The following SORCS1 variants were observed in gnomAD, a reference collection of about 807,000 sequenced individuals.
SORCS1 encodes sortilin related VPS10 domain containing receptor 1, also known as VPS10 domain-containing receptor SorCS1.
SORCS1 carries 60 observed loss-of-function variants against 146.1 expected under a neutral mutation model. The observed-to-expected ratio is 0.41, with a 90% CI of 0.33 to 0.51. SORCS1 has a LOEUF of 0.51. Ranked by LOEUF, SORCS1 falls within the 20% of genes least tolerant of loss-of-function variation. The probability of loss-of-function intolerance (pLI) is 0.21; values close to 1 mark genes in which losing one functional copy is unlikely to be tolerated. For synonymous variants in SORCS1, 637 were observed against 584.0 expected (o/e 1.09, Z -1.31); for missense variants, 1,352 against 1,487.6 (o/e 0.91, Z 1.50).
chr10:106,861,967 T>C (rs1454789062), intron 2 of SORCS1, among the ~76,000 whole-genome samples: 2 of 152,218 alleles, frequency 1.3e-5, no homozygotes. Flanking sequence ...TCACCATAGA[T>C]GATGAGATTT....
At chr10:107,011,922 T>C (rs1957711903) in intron 1 of SORCS1, among the ~76,000 whole-genome samples, 1 of 152,248 alleles carries the variant, frequency 6.6e-6, no homozygotes, top group African/African-American at 2.4e-5. Context: ...AATTTTATAT[T>C]TGTAAGGACT....
At chr10:106,768,098 G>T (rs1484301353) in intron 4 of SORCS1, among the ~76,000 whole-genome samples, 1 of 152,126 alleles carries the variant, frequency 6.6e-6, no homozygotes, top group Non-Finnish European at 1.5e-5. Context: ...GGCCTTCCTT[G>T]TTTGCATATG....
chr10:107,038,415 A>G (rs1959003130), intron 1 of SORCS1, among the ~76,000 whole-genome samples: 1 of 151,616 alleles, frequency 6.6e-6, no homozygotes, highest in Non-Finnish European at 1.5e-5. Context: ...GGGGAGAGAC[A>G]GCATTAGGAG....
At chr10:106,990,864 T>C (rs1042931072) in intron 1 of SORCS1, among the ~76,000 whole-genome samples, 6 of 152,186 alleles carry the variant, frequency 3.9e-5, no homozygotes, top group African/African-American at 1.4e-4. Flanking sequence ...CTTAAGAAAA[T>C]GTATAAATAC....
intron 1 of SORCS1, among the ~76,000 whole-genome samples, chr10:106,963,542 T>C (rs2139095284): frequency 6.6e-6 from 1 of 152,310 alleles, no homozygotes; most frequent in East Asian, 1.9e-4. Context: ...TTTATTTGAC[T>C]TTCCAACTTA....
intron 1 of SORCS1, among the ~76,000 whole-genome samples, chr10:107,161,258 C>G (rs1298885857): frequency 2.6e-5 from 4 of 152,188 alleles, no homozygotes; most frequent in Admixed American, 2.6e-4. Context: ...TTGTCATAAT[C>G]AGAGACTCTT....
At chr10:106,817,887 T>C (rs556969416) in intron 3 of SORCS1, among the ~76,000 whole-genome samples, 19 of 152,356 alleles carry the variant, frequency 1.2e-4, no homozygotes, top group African/African-American at 4.6e-4. Context: ...ATCTGCTTCA[T>C]TGGTCAGCTT....
At chr10:106,724,335 C>T (rs566760904) in intron 6 of SORCS1, among the ~76,000 whole-genome samples, 23 of 151,948 alleles carry the variant, frequency 1.5e-4, no homozygotes, top group South Asian at 1.5e-3. Context: ...GGTGAAACCC[C>T]ATCTCTACTA....
At chr10:106,879,395 A>G (rs947501819) in intron 2 of SORCS1, among the ~76,000 whole-genome samples, 3 of 152,172 alleles carry the variant, frequency 2.0e-5, no homozygotes, top group Non-Finnish European at 4.4e-5. Context: ...TTATCTCTAC[A>G]TTGTATTACA....
intron 1 of SORCS1, among the ~76,000 whole-genome samples, chr10:107,147,379 A>G (rs1195562650): frequency 6.6e-6 from 1 of 152,206 alleles, no homozygotes; most frequent in Non-Finnish European, 1.5e-5. Context: ...GACAGCCATC[A>G]GCCCATCCTA....
At chr10:106,768,417 G>A (rs1859740559) in intron 4 of SORCS1, among the ~76,000 whole-genome samples, 1 of 152,192 alleles carries the variant, frequency 6.6e-6, no homozygotes, top group South Asian at 2.1e-4. Context: ...TTGTGCTTGT[G>A]CAGAAATCAT....
At chr10:107,149,205 T>C (rs1033851983) in intron 1 of SORCS1, among the ~76,000 whole-genome samples, 1 of 152,218 alleles carries the variant, frequency 6.6e-6, no homozygotes, top group African/African-American at 2.4e-5. Context: ...TTTTTTCTTT[T>C]ATTTAGAAGG....
chr10:106,883,955 G>A (rs1284548692), intron 2 of SORCS1, among the ~76,000 whole-genome samples: 2 of 152,220 alleles, frequency 1.3e-5, no homozygotes, highest in Middle Eastern at 3.4e-3. Context: ...CCCATAGCTA[G>A]AGTTCTGAGC....
chr10:106,715,208 T>C (rs1855278582), intron 6 of SORCS1, among the ~76,000 whole-genome samples: 1 of 152,262 alleles, frequency 6.6e-6, no homozygotes, highest in South Asian at 2.1e-4. Flanking sequence ...TGTGATTCCA[T>C]AGGAAGTATC....
Position 106,956,554 on chromosome 10 carries a change from A to T in SORCS1, c.585T>A (p.Tyr195Ter). 1 of 1,614,222 alleles carries T rather than the reference A, an allele frequency of 6.2e-7. No homozygotes were observed. The highest frequency in any genetic ancestry group is 8.5e-7 in the Non-Finnish European group (1 of 1,180,022). The change falls in exon 2 of 26, where the codon TAT becomes TAA. Residue 195 changes from tyrosine (Y) to a stop codon, truncating the protein, a stop_gained. Transcript: ENST00000263054. LOFTEE classifies it high-confidence loss of function. ...CTGTGATGCTCCCCAGGTTATAGTC[A>T]TAGAGCTTTGTCAAAATGAGAATCA... ...SSVILILTKLYDYNLGSITES... is the reference protein window; with the variant it reads ...SSVILILTKL
At chr10:106,582,164 C>A (rs1222339105) in intron 24 of SORCS1, among the ~76,000 whole-genome samples, 1 of 151,442 alleles carries the variant, frequency 6.6e-6, no homozygotes, top group Non-Finnish European at 1.5e-5. Context: ...CACACATGAA[C>A]CTTTTCCCTT....
chr10:106,733,609 GA>G (rs1344560201), intron 5 of SORCS1, among the ~76,000 whole-genome samples: 1 of 152,188 alleles, frequency 6.6e-6, no homozygotes, highest in African/African-American at 2.4e-5. Context: ...TGTGTTTTAA[GA>G]CCAACTATGT....
chr10:106,741,459 G>A (rs377346881), intron 5 of SORCS1, among the ~76,000 whole-genome samples: 16 of 152,194 alleles, frequency 1.1e-4, no homozygotes, highest in South Asian at 2.1e-4. Context: ...ATTAGCTGGC[G>A]TGGTGGCATG....
At chr10:106,777,374 G>T (rs1366515291) in intron 3 of SORCS1, among the ~76,000 whole-genome samples, 2 of 152,148 alleles carry the variant, frequency 1.3e-5, no homozygotes, top group East Asian at 3.9e-4. Context: ...TGTCTGTATA[G>T]TTCACAGATG....
Sources: gnomAD v4.1 joint callset for allele counts (sites outside exome capture counted in the v4.1 genomes callset) on GRCh38, gnomAD v4.1.1 for gene constraint, MANE v1.5 for transcripts, NCBI Gene and HGNC (gene_info 2026-07-23, HGNC 2026-07-21) for gene names.